Variants in ZNF385D observed in about 807,000 individuals in gnomAD.
ZNF385D encodes the protein zinc finger protein 385D.
ZNF385D carries 15 observed loss-of-function variants against 35.8 expected under a neutral mutation model. The observed-to-expected ratio is 0.42, with a 90% confidence interval of 0.28 to 0.64. The LOEUF (loss-of-function observed/expected upper bound fraction) is 0.64, where lower values mean the gene tolerates loss of function less well. ZNF385D is among the 30% of genes least tolerant of loss of function. The probability of loss-of-function intolerance (pLI) is 0.23; values close to 1 mark genes in which losing one functional copy is unlikely to be tolerated. For missense variants in ZNF385D, 474 were observed against 494.6 expected (o/e 0.96, Z 0.39); for synonymous variants, 212 against 186.8 (o/e 1.13, Z -1.10).
chr3:21,548,350 T>A (rs887098841), intron 3 of ZNF385D, among the ~76,000 whole-genome samples: 18 of 152,316 alleles, frequency 1.2e-4, no homozygotes, highest in South Asian at 4.1e-4. Context: ...CATGCAACAT[T>A]GATATCTAAG....
At chr3:22,369,422 C>A (rs1332684068) in intron 2 of ZNF385D, among the ~76,000 whole-genome samples, 1 of 152,064 alleles carries the variant, frequency 6.6e-6, no homozygotes, top group East Asian at 1.9e-4. Flanking sequence ...TATTTTAATA[C>A]TCTTCTAAGG....
At chr3:21,865,286 T>C (rs1684502) in intron 3 of ZNF385D, among the ~76,000 whole-genome samples, 137,189 of 151,714 alleles carry the variant, frequency 0.9, 62,394 homozygotes, top group Middle Eastern at 0.93. Context: ...CACAGTGGAA[T>C]CTCAAAACTC....
intron 3 of ZNF385D, among the ~76,000 whole-genome samples, chr3:22,029,211 T>A (rs1337250659): frequency 6.6e-6 from 1 of 152,066 alleles, no homozygotes; most frequent in Non-Finnish European, 1.5e-5. Flanking sequence ...AAGAAGGGAG[T>A]TACAGTGTTG....
chr3:22,211,556 G>C (rs1245298769), intron 2 of ZNF385D, among the ~76,000 whole-genome samples: 1 of 151,970 alleles, frequency 6.6e-6, no homozygotes, highest in Admixed American at 6.6e-5. Flanking sequence ...ACCAGGAGAT[G>C]ATACCAAGAA....
chr3:21,754,235 G>T (rs867298308), upstream of ZNF385D, among the ~76,000 whole-genome samples: 7 of 152,114 alleles, frequency 4.6e-5, no homozygotes, highest in African/African-American at 1.7e-4. Flanking sequence ...ATAGAGGATT[G>T]TGAACATGCC....
chr3:22,160,228 A>C (rs905341604), intron 3 of ZNF385D, among the ~76,000 whole-genome samples: 1 of 152,118 alleles, frequency 6.6e-6, no homozygotes, highest in Non-Finnish European at 1.5e-5. Flanking sequence ...AAAATGGACT[A>C]ATACATATAC....
chr3:22,104,014 C>T (rs1174475380), intron 3 of ZNF385D, among the ~76,000 whole-genome samples: 1 of 151,912 alleles, frequency 6.6e-6, no homozygotes, highest in Non-Finnish European at 1.5e-5. Flanking sequence ...GTACAATATA[C>T]AATATATAAA....
At chr3:21,787,286 TC>T in intron 3 of ZNF385D, among the ~76,000 whole-genome samples, 1 of 152,144 alleles carries the variant, frequency 6.6e-6, no homozygotes, top group South Asian at 2.1e-4. Flanking sequence ...CATACCTCCT[TC>T]CCCTCCTCTC....
At chr3:22,106,063 A>T (rs1702193820) in intron 3 of ZNF385D, among the ~76,000 whole-genome samples, 1 of 152,056 alleles carries the variant, frequency 6.6e-6, no homozygotes, top group African/African-American at 2.4e-5. Context: ...AGGATAAATC[A>T]CCCCTAGGAC....
chr3:21,962,887 T>A (rs1053489346), intron 3 of ZNF385D, among the ~76,000 whole-genome samples: 4 of 152,116 alleles, frequency 2.6e-5, no homozygotes, highest in African/African-American at 9.7e-5. Context: ...CATCTTGGAG[T>A]CACCATTACT....
chr3:21,872,307 T>G (rs1240193462), intron 3 of ZNF385D, among the ~76,000 whole-genome samples: 3 of 152,172 alleles, frequency 2.0e-5, no homozygotes, highest in Non-Finnish European at 4.4e-5. Flanking sequence ...CATTTTCTCA[T>G]AGTGCATGCT....
chr3:21,750,559 T>C (rs1183316928), intron 1 of ZNF385D, among the ~76,000 whole-genome samples: 1 of 152,146 alleles, frequency 6.6e-6, no homozygotes, highest in Non-Finnish European at 1.5e-5. Context: ...TCCATTAAGT[T>C]AGCTCATGAC....
At chr3:22,175,311 A>T (rs549064627) in intron 2 of ZNF385D, among the ~76,000 whole-genome samples, 16 of 152,082 alleles carry the variant, frequency 1.1e-4, no homozygotes, top group Non-Finnish European at 2.1e-4. Context: ...AATCATGAAT[A>T]AGCATATATA....
chr3:21,657,606 A>G (rs1256771203), intron 2 of ZNF385D, among the ~76,000 whole-genome samples: 1 of 151,984 alleles, frequency 6.6e-6, no homozygotes, highest in African/African-American at 2.4e-5. Context: ...TCAAAGGACA[A>G]GGAAGATAGC....
chr3:21,890,384 C>G (rs531805635), intron 3 of ZNF385D, among the ~76,000 whole-genome samples: 1 of 152,018 alleles, frequency 6.6e-6, no homozygotes, highest in Non-Finnish European at 1.5e-5. Context: ...TTTGGGAGGC[C>G]GAGGCGGGCA....
intron 2 of ZNF385D, among the ~76,000 whole-genome samples, chr3:22,250,944 G>C (rs1700030616): frequency 6.6e-6 from 1 of 152,066 alleles, no homozygotes; most frequent in African/African-American, 2.4e-5. Context: ...TTTCAGTAGA[G>C]TGGGTTTTCA....
At chr3:21,931,508 A>G (rs934459463) in intron 3 of ZNF385D, among the ~76,000 whole-genome samples, 2 of 152,254 alleles carry the variant, frequency 1.3e-5, no homozygotes, top group Admixed American at 1.3e-4. Context: ...CAAAACTTTA[A>G]GCAATCCAGA....
At chr3:21,495,151 G>C (rs1705732822) in intron 4 of ZNF385D, among the ~76,000 whole-genome samples, 1 of 151,436 alleles carries the variant, frequency 6.6e-6, no homozygotes, top group Admixed American at 6.6e-5. Flanking sequence ...TTAATAGATA[G>C]ATAAAAGGAA....
At chr3:22,066,384 A>C (rs1699953304) in intron 3 of ZNF385D, among the ~76,000 whole-genome samples, 1 of 146,338 alleles carries the variant, frequency 6.8e-6, no homozygotes, top group Non-Finnish European at 1.5e-5. Context: ...GTGTATGTAA[A>C]AAGATACTGG....
Sources: allele counts gnomAD v4.1 joint callset (sites outside exome capture counted in the v4.1 genomes callset), GRCh38; gene constraint gnomAD v4.1.1; transcripts MANE v1.5; gene names NCBI Gene and HGNC (gene_info 2026-07-23, HGNC 2026-07-21).